The following DLG1 variants were observed in gnomAD, a reference collection of about 807,000 sequenced individuals.
DLG1 encodes the protein disks large homolog 1.
DLG1 carries 42 observed loss-of-function variants against 123.4 expected under a neutral mutation model. That is an observed-to-expected ratio of 0.34 (90% CI 0.27 to 0.44). DLG1 has a LOEUF of 0.44. Ranked by LOEUF, DLG1 falls within the 20% of genes least tolerant of loss-of-function variation. The pLI is 1.00. For missense variants in DLG1, 942 were observed against 1,082.6 expected, an observed-to-expected ratio of 0.87 and a Z score of 1.82; for synonymous variants, 317 against 356.2, an observed-to-expected ratio of 0.89 and a Z score of 1.24.
chr3:197,160,626 T>G (rs1798420153), intron 5 of DLG1, among the ~76,000 whole-genome samples: 1 of 152,158 alleles, frequency 6.6e-6, no homozygotes, highest in African/African-American at 2.4e-5. Context: ...TTCAGTCTTA[T>G]TACAGTAAGG....
At chr3:197,095,075 A>G (rs888757397) in intron 14 of DLG1, among the ~76,000 whole-genome samples, 3 of 152,078 alleles carry the variant, frequency 2.0e-5, no homozygotes, top group Non-Finnish European at 2.9e-5. Flanking sequence ...TTCTTTACCT[A>G]CCTTCTATAC....
intron 5 of DLG1, among the ~76,000 whole-genome samples, chr3:197,190,952 G>A (rs1719094585): frequency 6.6e-6 from 1 of 152,210 alleles, no homozygotes; most frequent in South Asian, 2.1e-4. Context: ...GGAGCTTGCA[G>A]TGAGCCGAGA....
At chr3:197,055,496 TTGC>T (rs1731062649) in intron 23 of DLG1, among the ~76,000 whole-genome samples, 1 of 152,208 alleles carries the variant, frequency 6.6e-6, no homozygotes, top group Non-Finnish European at 1.5e-5. Flanking sequence ...TTCCCAGGGT[TTGC>T]TGTTTTATTT....
intron 4 of DLG1, chr3:197,260,171 T>C (rs1306238406): frequency 5.9e-6 from 2 of 339,430 alleles, no homozygotes; most frequent in Non-Finnish European, 1.2e-5. Flanking sequence ...ATAACAATGG[T>C]TACACCTTAT....
intron 14 of DLG1, among the ~76,000 whole-genome samples, chr3:197,099,568 C>T (rs796846007): frequency 2.2e-4 from 34 of 152,174 alleles, no homozygotes; most frequent in African/African-American, 7.5e-4. Flanking sequence ...AGTATGTATA[C>T]GCTTATACAA....
chr3:197,067,588 G>A lies in DLG1; in HGVS notation c.2048-834C>T, dbSNP rs375985711. 5.5e-5 allele frequency among the ~76,000 whole-genome samples: 6 copies of A among 108,170 alleles called. No homozygotes were observed. The East Asian group carries it at 1.2e-3, about 21-fold the overall frequency. The allele number at this position is 108,170 out of a possible 152,430, so 71.0% of individuals were successfully genotyped here. ...TTTTTTTTTTTTGAGACGGAGTTTC[G>A]CTCTTGTTGCCTAGTCTGGAGTGCA... On this transcript the variant is annotated intron_variant, in intron 19 of 24. Coordinates refer to ENST00000667157, the MANE Select transcript of DLG1 (RefSeq NM_001366207.1).
intron 18 of DLG1, among the ~76,000 whole-genome samples, chr3:197,076,167 G>A (rs1747137279): frequency 6.6e-6 from 1 of 152,126 alleles, no homozygotes; most frequent in Non-Finnish European, 1.5e-5. Flanking sequence ...ATATAATGAA[G>A]AAATAGGGTA....
intron 4 of DLG1, among the ~76,000 whole-genome samples, chr3:197,266,331 C>G (rs935928156): frequency 1.3e-5 from 2 of 152,088 alleles, no homozygotes; most frequent in African/African-American, 4.8e-5. Context: ...GTTACTTTAA[C>G]TCTGTCCCTT....
chr3:197,195,105 T>TA (rs892217884), intron 4 of DLG1, among the ~76,000 whole-genome samples: 4 of 151,538 alleles, frequency 2.6e-5, no homozygotes, highest in African/African-American at 9.7e-5. Flanking sequence ...ACCATAATTT[T>TA]AAAAAAAGCT....
chr3:197,138,110 C>G, intron 9 of DLG1, 112 bp downstream of exon 9: 2 of 572,204 alleles, frequency 3.5e-6, no homozygotes, highest in Non-Finnish European at 5.4e-6. Context: ...CACTCAAGTT[C>G]TGTAGAATAT....
At chr3:197,132,536 T>TGGAA (rs1783182314) in intron 10 of DLG1, among the ~76,000 whole-genome samples, 1 of 152,228 alleles carries the variant, frequency 6.6e-6, no homozygotes, top group South Asian at 2.1e-4. Context: ...TGGCTCCACA[T>TGGAA]TACCATGCAA....
At position 197,043,351 on chromosome 3, in the gene DLG1, C is replaced by CA. The variant is rs1016491855; in HGVS notation, c.*1271dup. 2.9e-4 allele frequency: 44 copies of CA among 152,152 alleles called. No homozygotes were observed. The highest frequency in any genetic ancestry group is 7.5e-4 in the African/African-American group (31 of 41,524). 9.4% of individuals were successfully genotyped at this position (152,152 alleles called of 1,614,324 possible). A position where few individuals can be genotyped will look rare whatever the true frequency, so the allele number is the denominator to read the frequency against. On this transcript the variant is annotated 3_prime_UTR_variant, in exon 25 of 25. Transcript: ENST00000667157. ...ACAACAGTAACAACACGGACAACAACAAAAAACCTCAGGAACCATTTGAAA... is the reference window on the plus strand; with the variant it reads ...ACAACAGTAACAACACGGACAACAACAAAAAAACCTCAGGAACCATTTGAAA...
At chr3:197,125,254 T>C (rs1560855125) in intron 11 of DLG1, among the ~76,000 whole-genome samples, 1 of 151,908 alleles carries the variant, frequency 6.6e-6, no homozygotes, top group African/African-American at 2.4e-5. Flanking sequence ...ATTAGGGAAA[T>C]GTAGTAGGAC....
At chr3:197,106,110 T>C (rs1579296992) in intron 13 of DLG1, among the ~76,000 whole-genome samples, 1 of 152,182 alleles carries the variant, frequency 6.6e-6, no homozygotes, top group African/African-American at 2.4e-5. Flanking sequence ...TAAATTTAAA[T>C]ACATACCCCT....
intron 5 of DLG1, among the ~76,000 whole-genome samples, chr3:197,184,821 TAC>T (rs1714844520): frequency 6.6e-6 from 1 of 152,212 alleles, no homozygotes; most frequent in Admixed American, 6.5e-5. Context: ...GTTCACCAAA[TAC>T]TATCACCTGA....
At chr3:197,178,966 A>G (rs1326840662) in intron 5 of DLG1, among the ~76,000 whole-genome samples, 1 of 152,174 alleles carries the variant, frequency 6.6e-6, no homozygotes, top group Non-Finnish European at 1.5e-5. Context: ...GTGAAGAGAG[A>G]AAGGGATTTC....
chr3:197,296,903 G>A (rs1777637083), intron 2 of DLG1: 2 of 448,014 alleles, frequency 4.5e-6, no homozygotes, highest in Admixed American at 3.8e-5. Context: ...TAGTAAGAAT[G>A]ATAGAGTGAA....
chr3:197,072,551 T>C (rs1744618854), intron 18 of DLG1, among the ~76,000 whole-genome samples: 2 of 152,124 alleles, frequency 1.3e-5, no homozygotes, highest in Non-Finnish European at 2.9e-5. Flanking sequence ...CTGAGCACTC[T>C]TGCCCAGTTT....
intron 5 of DLG1, among the ~76,000 whole-genome samples, chr3:197,190,781 C>A (rs561645893): frequency 7.2e-5 from 11 of 152,128 alleles, no homozygotes; most frequent in Admixed American, 1.3e-4. Flanking sequence ...GAGGCCGAGG[C>A]GGGCGGATCA....
Sources: allele counts gnomAD v4.1 joint callset (sites outside exome capture counted in the v4.1 genomes callset), GRCh38; gene constraint gnomAD v4.1.1; transcripts MANE v1.5; gene names NCBI Gene and HGNC (gene_info 2026-07-23, HGNC 2026-07-21).